Variants in ARID1B observed in about 807,000 individuals in gnomAD.
ARID1B encodes the protein AT-rich interactive domain-containing protein 1B.
ARID1B carries 30 observed loss-of-function variants against 212.3 expected under a neutral mutation model. That is an observed-to-expected ratio of 0.14 (90% CI 0.11 to 0.19). The LOEUF (loss-of-function observed/expected upper bound fraction) is 0.19, where lower values mean the gene tolerates loss of function less well. Among genes scored for constraint, ARID1B ranks in the 10% least tolerant of loss-of-function variants. The pLI is 1.00. For synonymous variants in ARID1B, 1,402 were observed against 1,301.7 expected (o/e 1.08, Z -1.66); for missense variants, 2,891 against 3,204.0 (o/e 0.90, Z 2.36).
intron 4 of ARID1B, among the ~76,000 whole-genome samples, chr6:157,070,788 C>G (rs1238652850): frequency 6.6e-6 from 1 of 152,236 alleles, no homozygotes; most frequent in Non-Finnish European, 1.5e-5. Context: ...GGAACTCTTA[C>G]ACTTAAATGA....
intron 2 of ARID1B, among the ~76,000 whole-genome samples, chr6:156,874,262 C>A (rs1438419338): frequency 1.3e-5 from 2 of 152,140 alleles, no homozygotes; most frequent in Non-Finnish European, 2.9e-5. Context: ...ACAGGATCTA[C>A]CTGTGTTACC....
intron 16 of ARID1B, 43 bp downstream of exon 16, chr6:157,196,358 C>T (rs2128358005): frequency 6.4e-7 from 1 of 1,570,688 alleles, no homozygotes; most frequent in Non-Finnish European, 8.6e-7. Context: ...TTACTAGAAA[C>T]CGTGCTTTCC....
At chr6:157,159,589 T>C (rs1157766517) in intron 8 of ARID1B, among the ~76,000 whole-genome samples, 1 of 152,194 alleles carries the variant, frequency 6.6e-6, no homozygotes, top group East Asian at 1.9e-4. Context: ...GTGTGAAGTA[T>C]GAACAAAAGG....
At chr6:156,968,309 G>A (rs1794912760) in intron 4 of ARID1B, among the ~76,000 whole-genome samples, 1 of 152,086 alleles carries the variant, frequency 6.6e-6, no homozygotes, top group Non-Finnish European at 1.5e-5. Context: ...AAATTGAGAG[G>A]AACAATATTA....
At chr6:157,122,690 T>C (rs907838474) in intron 6 of ARID1B, among the ~76,000 whole-genome samples, 1 of 151,348 alleles carries the variant, frequency 6.6e-6, no homozygotes, top group Non-Finnish European at 1.5e-5. Context: ...CAGTCTTCTC[T>C]TTTTTTTTGA....
intron 7 of ARID1B, among the ~76,000 whole-genome samples, chr6:157,134,812 CT>C (rs1285411941): frequency 2.2e-4 from 33 of 152,196 alleles, no homozygotes; most frequent in Non-Finnish European, 4.6e-4. Context: ...AAAATGCGGG[CT>C]TTTGCTCCTA....
intron 4 of ARID1B, among the ~76,000 whole-genome samples, chr6:157,005,343 A>G (rs1779183684): frequency 6.6e-6 from 1 of 151,958 alleles, no homozygotes; most frequent in Admixed American, 6.6e-5. Context: ...TTTAGTAGAG[A>G]TGGGGTTTCA....
At chr6:156,908,853 A>C (rs1789622347) in intron 3 of ARID1B, among the ~76,000 whole-genome samples, 1 of 151,994 alleles carries the variant, frequency 6.6e-6, no homozygotes, top group African/African-American at 2.4e-5. Context: ...GGTACCAGTT[A>C]TCTTGAACAA....
intron 4 of ARID1B, among the ~76,000 whole-genome samples, chr6:156,981,465 A>G (rs1267871157): frequency 1.3e-5 from 2 of 152,254 alleles, no homozygotes; most frequent in Admixed American, 6.5e-5. Context: ...GAATTTATAG[A>G]TGATGAAAAT....
chr6:156,930,415 C>T (rs537173158), intron 3 of ARID1B, among the ~76,000 whole-genome samples: 11 of 152,312 alleles, frequency 7.2e-5, no homozygotes, highest in African/African-American at 2.6e-4. Flanking sequence ...GCAGAAGCTG[C>T]CATGCTTCCT....
At chr6:156,910,182 G>C (rs1341078010) in intron 3 of ARID1B, among the ~76,000 whole-genome samples, 1 of 152,232 alleles carries the variant, frequency 6.6e-6, no homozygotes, top group East Asian at 1.9e-4. Flanking sequence ...TTTAGGTGAT[G>C]ATGGTCTCTG....
At chr6:156,946,371 C>CA (rs138708074) in intron 4 of ARID1B, among the ~76,000 whole-genome samples, 28,750 of 151,194 alleles carry the variant, frequency 0.19, 3,147 homozygotes, top group Non-Finnish European at 0.24. Context: ...GACTCCATCT[C>CA]AAAAAATAAA....
chr6:156,817,764 A>G (rs1562408144), intron 1 of ARID1B, among the ~76,000 whole-genome samples: 2 of 152,120 alleles, frequency 1.3e-5, no homozygotes, highest in Non-Finnish European at 2.9e-5. Flanking sequence ...ATTTTGCTAC[A>G]TTTACTTTAT....
chr6:157,099,935 T>C (rs547747358), intron 5 of ARID1B, among the ~76,000 whole-genome samples: 1 of 152,324 alleles, frequency 6.6e-6, no homozygotes, highest in African/African-American at 2.4e-5. Context: ...AGATAGCCTC[T>C]GAAGTGCCCA....
chr6:156,935,526 A>G lies in ARID1B; in HGVS notation c.2197A>G (p.Asn733Asp). 6.2e-7 allele frequency: 1 copy of G among 1,614,056 alleles called. No individual in the cohort carries two copies. Among genetic ancestry groups the G allele is most frequent in the Non-Finnish European group, 8.5e-7 (1 of 1,179,914 alleles). The stretch of plus-strand genomic sequence containing the variant: ...ACCTCCTCTGGCCCCCGGAAAACCT[A>G]ACCATGAAGACTTGAACTTAATACA... ...SQPPLAPGKPNHEDLNLIQQE... is the reference protein window; with the variant it reads ...SQPPLAPGKPDHEDLNLIQQE... The change falls in exon 4 of 20, where the codon AAC becomes GAC. Residue 733 changes from asparagine (N) to aspartate (D), a missense_variant. Coordinates refer to ENST00000636930, the MANE Select transcript of ARID1B (RefSeq NM_001374828.1).
intron 2 of ARID1B, among the ~76,000 whole-genome samples, chr6:156,899,595 C>A (rs1788760218): frequency 6.6e-6 from 1 of 151,922 alleles, no homozygotes; most frequent in East Asian, 1.9e-4. Flanking sequence ...CTTAGCTGCG[C>A]CCACCTATCC....
intron 6 of ARID1B, among the ~76,000 whole-genome samples, chr6:157,123,925 C>T (rs1156807608): frequency 1.3e-5 from 2 of 152,230 alleles, no homozygotes; most frequent in Admixed American, 6.5e-5. Context: ...GGTGAAGACA[C>T]GATTTGGCCC....
At chr6:157,154,580 G>GTTTTT (rs1274752634) in intron 8 of ARID1B, among the ~76,000 whole-genome samples, 6 of 111,566 alleles carry the variant, frequency 5.4e-5, no homozygotes, top group Non-Finnish European at 1.1e-4. Context: ...TTTTTTTTTT[G>GTTTTT]TTTTTTTTTT....
At chr6:157,147,547 G>A (rs1397065601) in intron 7 of ARID1B, among the ~76,000 whole-genome samples, 2 of 47,264 alleles carry the variant, frequency 4.2e-5, no homozygotes, top group Non-Finnish European at 7.1e-5. Flanking sequence ...CCTCACCTCC[G>A]CCTCCGACCC....
Sources: allele counts gnomAD v4.1 joint callset (sites outside exome capture counted in the v4.1 genomes callset), GRCh38; gene constraint gnomAD v4.1.1; transcripts MANE v1.5; gene names NCBI Gene and HGNC (gene_info 2026-07-23, HGNC 2026-07-21).